The following TDO2 variants were observed in gnomAD, a reference collection of about 807,000 sequenced individuals.
TDO2 encodes tryptophan 2,3-dioxygenase.
TDO2 carries 63 observed loss-of-function variants against 61.2 expected under a neutral mutation model. That is an observed-to-expected ratio of 1.03 (90% CI 0.84 to 1.27). TDO2 has a LOEUF of 1.27. Ranked by LOEUF, TDO2 falls within the 50% of genes most tolerant of loss-of-function variation. The probability of loss-of-function intolerance (pLI) is 0.00; values close to 1 mark genes in which losing one functional copy is unlikely to be tolerated. For missense variants in TDO2, 494 were observed against 469.5 expected, an observed-to-expected ratio of 1.05 and a Z score of -0.48; for synonymous variants, 183 against 164.0, an observed-to-expected ratio of 1.12 and a Z score of -0.89.
At chr4:155,911,255 T>G (rs1742824585) in intron 6 of TDO2, among the ~76,000 whole-genome samples, 1 of 151,986 alleles carries the variant, frequency 6.6e-6, no homozygotes, top group East Asian at 1.9e-4. Context: ...TAATCACATA[T>G]TTCTTAAGAA....
At chr4:155,913,201 C>T (rs1018560597) in intron 7 of TDO2, among the ~76,000 whole-genome samples, 1 of 152,110 alleles carries the variant, frequency 6.6e-6, no homozygotes. Context: ...GAAGGCAAAT[C>T]TGATCACATC....
intron 4 of TDO2, 86 bp downstream of exon 4, chr4:155,907,878 C>A (rs1181510645): frequency 3.1e-6 from 3 of 959,620 alleles, no homozygotes; most frequent in Non-Finnish European, 4.9e-6. Context: ...ACATTAACAC[C>A]AAATGGTGGT....
At chr4:155,911,930 T>C (rs1253802472) in intron 7 of TDO2, among the ~76,000 whole-genome samples, 1 of 152,220 alleles carries the variant, frequency 6.6e-6, no homozygotes, top group Admixed American at 6.5e-5. Context: ...GAACCAAATC[T>C]ATTTAGCCCT....
Position 155,905,144 on chromosome 4 carries a change from C to A in TDO2, c.219C>A (p.Ile73=). 6.3e-7 allele frequency: 1 copy of A among 1,590,074 alleles called. No homozygotes were observed. The highest frequency in any genetic ancestry group is 8.6e-7 in the Non-Finnish European group (1 of 1,168,998). The change falls in exon 3 of 12, where the codon ATC becomes ATA. Residue 73 remains isoleucine (I), a synonymous_variant. Transcript: ENST00000536354. The part of the protein sequence containing the change: ...GNKIHDEHLF[I]ITHQAYELWF... ...AAATCCATGATGAACATCTTTTTAT[C>A]ATAACTCATCAAGGTAAGTTGCACA... is the stretch of plus-strand genomic sequence containing the variant.
intron 3 of TDO2, chr4:155,906,683 T>G (rs1362754403): frequency 6.6e-6 from 1 of 152,170 alleles, no homozygotes; most frequent in Non-Finnish European, 1.5e-5. Context: ...AAGAATACTA[T>G]GGGAAGGACA....
chr4:155,907,614 A>C lies in TDO2; in HGVS notation c.233-108A>C. 10 of 711,862 alleles carry C rather than the reference A, an allele frequency of 1.4e-5. No individual in the cohort carries two copies. The South Asian group carries it at 1.8e-4, about 13-fold the overall frequency. 44.1% of individuals were successfully genotyped at this position (711,862 alleles called of 1,614,324 possible). On this transcript the variant is annotated intron_variant, in intron 3 of 11. Coordinates refer to ENST00000536354, the MANE Select transcript of TDO2 (RefSeq NM_005651.4). ...GACTATATTTACATTTATTGATTTT[A>C]AGGTAACATTTTAATTTCTCTTTCA...
chr4:155,909,975 C>T (rs749581405), intron 5 of TDO2, 50 bp from the exon 6 acceptor site: 1 of 764,490 alleles, frequency 1.3e-6, no homozygotes. Flanking sequence ...CTCTTCTCCT[C>T]TCCTCTCTTT....
chr4:155,903,889 C>T (rs1468235658), intron 1 of TDO2, 96 bp downstream of exon 1: 28 of 1,533,038 alleles, frequency 1.8e-5, no homozygotes, highest in Non-Finnish European at 2.4e-5. Context: ...TGAAAACTGT[C>T]ACCTTTATTC....
intron 1 of TDO2, 59 bp downstream of exon 1, chr4:155,903,852 A>G (rs1742669937): frequency 3.8e-6 from 6 of 1,594,236 alleles, no homozygotes; most frequent in Non-Finnish European, 4.3e-6. Flanking sequence ...AGGTGTGAGC[A>G]TTTTAATTTC....
chr4:155,914,186 T>C (rs1579329902), intron 7 of TDO2, 137 bp from the exon 8 acceptor site: 2 of 594,942 alleles, frequency 3.4e-6, no homozygotes, highest in Non-Finnish European at 5.7e-6. Context: ...TTCCAAATAG[T>C]AATATTAGAA....
Position 155,904,042 on chromosome 4 carries a change from A to G in TDO2, c.60A>G (p.Val20=). Residue 20 remains valine, a synonymous_variant, in exon 2 of 12, where the codon GTA becomes GTG. Transcript: ENST00000536354. ...GATATACTTTTAAAAAACTCCCCGT[A>G]GAAGGCAGCGAAGAAGACAAATCAC... ...NFGYTFKKLP[V]EGSEEDKSQT... is the part of the protein sequence containing the mutation. The G allele has an allele frequency of 6.2e-7, 1 of 1,614,054 alleles. No homozygotes were observed. The highest frequency in any genetic ancestry group is 1.1e-5 in the South Asian group (1 of 91,060).
Position 155,915,904 on chromosome 4 carries a change from T to C in TDO2, c.888T>C (p.Tyr296=). 1.9e-6 allele frequency: 3 copies of C among 1,607,914 alleles called. No individual in the cohort carries two copies. The highest frequency in any genetic ancestry group is 1.7e-5 in the Admixed American group (1 of 58,830). The part of the protein sequence containing the change: ...YRALQGALMI[Y]FYREEPRFQV... ...CACTTCAGGGAGCATTGATGATATA[T>C]TTTTACAGGTAAAGCAAATCCGAAG... Residue 296 remains tyrosine (Y), a synonymous_variant, in exon 9 of 12, where the codon TAT becomes TAC. Transcript: ENST00000536354.
At chr4:155,911,422 G>T in intron 6 of TDO2, 75 bp from the exon 7 acceptor site, 1 of 1,056,480 alleles carries the variant, frequency 9.5e-7, no homozygotes, top group Non-Finnish European at 1.4e-6. Flanking sequence ...CTTGTTTTAA[G>T]TTTATACATG....
At chr4:155,904,259 C>A in intron 2 of TDO2, 136 bp downstream of exon 2, 1 of 643,248 alleles carries the variant, frequency 1.6e-6, no homozygotes, top group Non-Finnish European at 2.7e-6. Flanking sequence ...TATTTTTATT[C>A]ATAAACACTT....
At position 155,907,804 on chromosome 4, in the gene TDO2, T is replaced by C; in HGVS notation, c.303+12T>C. On this transcript the variant is annotated intron_variant, in intron 4 of 11. Coordinates refer to ENST00000536354, the MANE Select transcript of TDO2 (RefSeq NM_005651.4). ...TTCAGAATGGCCATGTAAGTTCTTA[T>C]GTCACAATATTGGTTTCATGTATAT... The C allele has an allele frequency of 1.9e-6, 3 of 1,601,004 alleles. No individual in the cohort carries two copies. Among genetic ancestry groups the C allele is most frequent in the Non-Finnish European group, 2.6e-6 (3 of 1,169,670 alleles).
chr4:155,914,548 T>A (rs1234527430), intron 8 of TDO2, 114 bp downstream of exon 8: 1 of 726,278 alleles, frequency 1.4e-6, no homozygotes, highest in Admixed American at 3.9e-5. Context: ...AAAATTGATA[T>A]TCTACTGATA....
chr4:155,909,870 ACTCCTCTCCCCTCCCCTCCCCTCCCCT>A (rs1742786404), intron 5 of TDO2, among the ~76,000 whole-genome samples, 128 bp from the exon 6 acceptor site: 1 of 7,716 alleles, frequency 1.3e-4, no homozygotes, highest in Non-Finnish European at 2.9e-4. Context: ...TCTCCTCTGG[ACTCCTCTCCCCTCCCCTCCCCTCCCCT>A]CCCCTCTCCC....
chr4:155,912,466 C>T (rs549590210), intron 7 of TDO2, among the ~76,000 whole-genome samples: 160 of 152,148 alleles, frequency 1.1e-3, no homozygotes, highest in Middle Eastern at 3.4e-3. Context: ...CTTAGTTGAC[C>T]TCGCAGAAAC....
chr4:155,910,166 G>A lies in TDO2; in HGVS notation c.573G>A (p.Leu191=). The part of the protein sequence containing the change: ...RDNFKGEENE[L]LLKSEQEKTL... ...ACTTCAAAGGAGAAGAAAATGAACTGCTACTTAAATCTGAGCAGGAAAAGA... is the reference window on the plus strand; with the variant it reads ...ACTTCAAAGGAGAAGAAAATGAACTACTACTTAAATCTGAGCAGGAAAAGA... The change falls in exon 6 of 12, where the codon CTG becomes CTA. Residue 191 remains leucine, a synonymous_variant. Transcript: ENST00000536354. The A allele has an allele frequency of 6.3e-7, 1 of 1,594,872 alleles. No individual in the cohort carries two copies. Among genetic ancestry groups the A allele is most frequent in the Non-Finnish European group, 8.5e-7 (1 of 1,173,320 alleles).
Sources: gnomAD v4.1 joint callset for allele counts (sites outside exome capture counted in the v4.1 genomes callset) on GRCh38, gnomAD v4.1.1 for gene constraint, MANE v1.5 for transcripts, NCBI Gene and HGNC (gene_info 2026-07-23, HGNC 2026-07-21) for gene names.